Variants in RNF180 observed in about 807,000 individuals in gnomAD.
The protein encoded by RNF180 is E3 ubiquitin-protein ligase RNF180.
In RNF180, 38 loss-of-function variants were observed where a neutral mutation model predicts 59.2. The observed-to-expected ratio is 0.64, with a 90% CI of 0.50 to 0.84. RNF180 has a LOEUF of 0.84. Among genes scored for constraint, RNF180 ranks in the 40% least tolerant of loss-of-function variants. The pLI is 0.00. For synonymous variants in RNF180, 262 were observed against 240.3 expected, an observed-to-expected ratio of 1.09 and a Z score of -0.84; for missense variants, 705 against 700.9, an observed-to-expected ratio of 1.01 and a Z score of -0.07.
intron 7 of RNF180, among the ~76,000 whole-genome samples, chr5:64,349,818 T>G (rs1453475666): frequency 2.0e-5 from 3 of 152,228 alleles, no homozygotes; most frequent in African/African-American, 7.2e-5. Flanking sequence ...GTGCCACATT[T>G]TCTTAATCCA....
chr5:64,352,317 C>CACTA (rs988464338), intron 7 of RNF180, among the ~76,000 whole-genome samples: 1 of 151,858 alleles, frequency 6.6e-6, no homozygotes. Context: ...GTCTTGCTAG[C>CACTA]AGTCTATCAA....
At chr5:64,255,912 T>C (rs1442596560) in intron 5 of RNF180, among the ~76,000 whole-genome samples, 1 of 152,230 alleles carries the variant, frequency 6.6e-6, no homozygotes, top group Non-Finnish European at 1.5e-5. Context: ...TAAGATGGTA[T>C]CTCATTGTGG....
intron 5 of RNF180, among the ~76,000 whole-genome samples, chr5:64,292,987 G>C (rs962932815): frequency 6.6e-6 from 1 of 152,222 alleles, no homozygotes; most frequent in Non-Finnish European, 1.5e-5. Flanking sequence ...CAGCAGGCTG[G>C]AACAGCAGAG....
intron 5 of RNF180, among the ~76,000 whole-genome samples, chr5:64,292,129 A>T (rs1000657559): frequency 3.5e-4 from 54 of 152,212 alleles, no homozygotes; most frequent in African/African-American, 1.3e-3. Flanking sequence ...GCCTGCTTCC[A>T]TCAATTCAGC....
At chr5:64,247,614 A>G (rs980505409) in intron 5 of RNF180, among the ~76,000 whole-genome samples, 1 of 152,256 alleles carries the variant, frequency 6.6e-6, no homozygotes, top group African/African-American at 2.4e-5. Context: ...AAGAGAGGAC[A>G]CAAACAAATG....
intron 1 of RNF180, among the ~76,000 whole-genome samples, chr5:64,191,692 A>G (rs1433458933): frequency 6.6e-6 from 1 of 152,204 alleles, no homozygotes; most frequent in Non-Finnish European, 1.5e-5. Context: ...ATGTTTTTAT[A>G]TTAGCACCTT....
intron 7 of RNF180, among the ~76,000 whole-genome samples, chr5:64,362,651 T>A (rs1580313906): frequency 6.6e-6 from 1 of 151,898 alleles, no homozygotes; most frequent in African/African-American, 2.4e-5. Context: ...TTTAGGACTT[T>A]GAGGAATCAC....
intron 7 of RNF180, among the ~76,000 whole-genome samples, chr5:64,355,063 C>G (rs1417377205): frequency 6.6e-6 from 1 of 151,848 alleles, no homozygotes; most frequent in African/African-American, 2.4e-5. Flanking sequence ...GCTGGAAACT[C>G]TAGCTGGAAC....
chr5:64,367,623 G>A (rs189016754), intron 7 of RNF180, among the ~76,000 whole-genome samples: 8 of 151,760 alleles, frequency 5.3e-5, no homozygotes, highest in Admixed American at 2.6e-4. Context: ...TGATTAAAGA[G>A]ATTTGACTTT....
intron 5 of RNF180, among the ~76,000 whole-genome samples, chr5:64,224,819 T>A (rs1741578148): frequency 6.6e-6 from 1 of 152,214 alleles, no homozygotes. Context: ...TAATTAGGCC[T>A]GAGGACTCCT....
At chr5:64,348,747 C>T (rs1446793192) in intron 7 of RNF180, among the ~76,000 whole-genome samples, 4 of 151,896 alleles carry the variant, frequency 2.6e-5, no homozygotes, top group African/African-American at 9.7e-5. Flanking sequence ...GTACTAGTAA[C>T]AAAATCTATA....
At chr5:64,263,412 T>C (rs1744465153) in intron 5 of RNF180, among the ~76,000 whole-genome samples, 1 of 152,206 alleles carries the variant, frequency 6.6e-6, no homozygotes, top group Non-Finnish European at 1.5e-5. Context: ...CAGTTAGCTC[T>C]TTTGAGTTAG....
chr5:64,234,864 G>A (rs970424774), intron 5 of RNF180, among the ~76,000 whole-genome samples: 68 of 151,966 alleles, frequency 4.5e-4, no homozygotes, highest in African/African-American at 1.4e-3. Context: ...CTCCCGAGGC[G>A]CTGGGATTAC....
At chr5:64,362,692 T>G (rs933586709) in intron 7 of RNF180, among the ~76,000 whole-genome samples, 1 of 151,908 alleles carries the variant, frequency 6.6e-6, no homozygotes. Context: ...CTGAACTAAT[T>G]TACACTCCCA....
intron 1 of RNF180, among the ~76,000 whole-genome samples, chr5:64,183,006 A>G (rs1161215251): frequency 6.6e-6 from 1 of 152,196 alleles, no homozygotes; most frequent in Non-Finnish European, 1.5e-5. Flanking sequence ...GTAGCCGGCT[A>G]AGATGCCAGC....
chr5:64,311,743 T>C (rs1466897096), intron 5 of RNF180, among the ~76,000 whole-genome samples: 2 of 152,016 alleles, frequency 1.3e-5, no homozygotes, highest in Non-Finnish European at 2.9e-5. Flanking sequence ...ATTCCTACCA[T>C]CTTCTACCAA....
At chr5:64,180,950 G>C (rs944546061) in intron 1 of RNF180, among the ~76,000 whole-genome samples, 4 of 152,132 alleles carry the variant, frequency 2.6e-5, no homozygotes, top group Non-Finnish European at 5.9e-5. Context: ...AACCTCAAAA[G>C]TAGGGAAGCC....
chr5:64,194,023 C>CT (rs1189521015), intron 1 of RNF180, among the ~76,000 whole-genome samples: 1 of 151,894 alleles, frequency 6.6e-6, no homozygotes, highest in East Asian at 1.9e-4. Flanking sequence ...TTTTATTATA[C>CT]TTTAAGTTTT....
At chr5:64,215,756 A>C (rs2112128427) in intron 4 of RNF180, among the ~76,000 whole-genome samples, 1 of 152,258 alleles carries the variant, frequency 6.6e-6, no homozygotes, top group East Asian at 1.9e-4. Flanking sequence ...AATATTTTCA[A>C]AATGATTAAT....
Sources: gnomAD v4.1 joint callset for allele counts (sites outside exome capture counted in the v4.1 genomes callset) on GRCh38, gnomAD v4.1.1 for gene constraint, MANE v1.5 for transcripts, NCBI Gene and HGNC (gene_info 2026-07-23, HGNC 2026-07-21) for gene names.